ANO2: variants seen among roughly 807,000 people sequenced by gnomAD.
ANO2 encodes anoctamin 2, also known as anoctamin-2.
A neutral mutation model predicts 124.2 loss-of-function variants in ANO2; 101 were observed. The ratio of observed to expected loss-of-function variants is 0.81; its 90% CI spans 0.69 to 0.96. The LOEUF (loss-of-function observed/expected upper bound fraction) is 0.96. ANO2 is among the 40% of genes least tolerant of loss of function. The pLI is 0.00. For synonymous variants in ANO2, 486 were observed against 482.5 expected (o/e 1.01, Z -0.09); for missense variants, 1,293 against 1,274.5 (o/e 1.01, Z -0.22).
At chr12:5,710,602 T>C (rs934537314) in intron 14 of ANO2, among the ~76,000 whole-genome samples, 3 of 152,216 alleles carry the variant, frequency 2.0e-5, no homozygotes, top group African/African-American at 7.2e-5. Flanking sequence ...GTAAACTTCA[T>C]GTTCCAAAGT....
chr12:5,665,648 G>A (rs1260124233), intron 14 of ANO2, among the ~76,000 whole-genome samples: 5 of 152,056 alleles, frequency 3.3e-5, no homozygotes, highest in Non-Finnish European at 5.9e-5. Context: ...TCACCTGAGC[G>A]AGCCTCTCCA....
intron 11 of ANO2, among the ~76,000 whole-genome samples, chr12:5,750,630 G>C (rs955043249): frequency 2.0e-5 from 3 of 152,232 alleles, no homozygotes; most frequent in African/African-American, 4.8e-5. Flanking sequence ...GAGGAAGTAG[G>C]CCTCGCCTAG....
In ANO2 at chr12:5,658,397, A is replaced by G. The variant is rs1947268817; in HGVS notation, c.1546-10596T>C. Among the ~76,000 whole-genome samples, 1 of 152,160 alleles carries G rather than the reference A, an allele frequency of 6.6e-6. No individual in the cohort carries two copies. Among genetic ancestry groups the G allele is most frequent in the African/African-American group, 2.4e-5 (1 of 41,436 alleles). On this transcript the variant is annotated intron_variant, in intron 14 of 24. Transcript: ENST00000682330. The surrounding 1 kb of genome is among the most constrained non-coding windows in gnomAD (Gnocchi z 4.3). ...CATCATCATCATCAACAACATCATC[A>G]TCGTCATTGTTATCATCATCATAAC... is the stretch of plus-strand genomic sequence containing the variant.
rs566375023 is a variant in ANO2 at position 5,680,792 on chromosome 12, A to G, written c.1546-32991T>C. On this transcript the variant is annotated intron_variant, in intron 14 of 24. Coordinates refer to ENST00000682330, the MANE Select transcript of ANO2 (RefSeq NM_001364791.2). ...ATGAAAGAAACGATCCCAGGGAACA[A>G]TAAGAATCAGATAGGGGATAAGTGG... Among the ~76,000 whole-genome samples the G allele has an allele frequency of 3.2e-4, 49 of 152,330 alleles. No homozygotes were observed. The South Asian group carries it at 7.9e-3, about 24-fold the overall frequency.
chr12:5,849,554 T>C (rs924058615), intron 4 of ANO2, among the ~76,000 whole-genome samples: 2 of 152,204 alleles, frequency 1.3e-5, no homozygotes, highest in African/African-American at 4.8e-5. Context: ...GGATCTTGAG[T>C]GTCCCTCACA....
At chr12:5,591,380 G>A (rs1166378872) in intron 20 of ANO2, among the ~76,000 whole-genome samples, 1 of 152,134 alleles carries the variant, frequency 6.6e-6, no homozygotes, top group Non-Finnish European at 1.5e-5. Context: ...GCAATGGTTT[G>A]GGGCAAAGTC....
chr12:5,684,720 T>C (rs774620398), intron 14 of ANO2, among the ~76,000 whole-genome samples: 1 of 152,212 alleles, frequency 6.6e-6, no homozygotes, highest in Non-Finnish European at 1.5e-5. Flanking sequence ...CTGGTGCCTC[T>C]TTCCTATGTG....
chr12:5,637,941 T>A (rs149046356), intron 15 of ANO2, among the ~76,000 whole-genome samples: 37 of 152,268 alleles, frequency 2.4e-4, no homozygotes, highest in Middle Eastern at 3.4e-3. Context: ...GAAACGGGCA[T>A]GGAAAAGTGA....
At chr12:5,700,827 T>C (rs1053781155) in intron 14 of ANO2, among the ~76,000 whole-genome samples, 3 of 152,156 alleles carry the variant, frequency 2.0e-5, no homozygotes, top group Non-Finnish European at 4.4e-5. Context: ...GCACGAGGAC[T>C]CCTCACGTCT....
At chr12:5,881,811 A>G (rs1283492801) in intron 3 of ANO2, 1 of 152,264 alleles carries the variant, frequency 6.6e-6, no homozygotes, top group Admixed American at 6.5e-5. Context: ...TTTGTTAAAC[A>G]AACAATGTGT....
intron 11 of ANO2, among the ~76,000 whole-genome samples, chr12:5,745,162 T>C (rs576748078): frequency 4.6e-5 from 7 of 152,298 alleles, no homozygotes; most frequent in Middle Eastern, 3.4e-3. Context: ...TAGGCTCATA[T>C]GAATGCTTGG....
chr12:5,628,816 G>A (rs757283068), intron 16 of ANO2, among the ~76,000 whole-genome samples: 3 of 152,156 alleles, frequency 2.0e-5, no homozygotes, highest in Non-Finnish European at 2.9e-5. Flanking sequence ...TGTATGCTTC[G>A]GTCAAGTTTC....
chr12:5,906,018 G>C (rs1344091699), intron 3 of ANO2, among the ~76,000 whole-genome samples: 1 of 152,126 alleles, frequency 6.6e-6, no homozygotes, highest in Non-Finnish European at 1.5e-5. Context: ...AGATTGCTGT[G>C]GTGTTTTCTT....
intron 1 of ANO2, among the ~76,000 whole-genome samples, chr12:5,930,890 C>T (rs950741246): frequency 1.1e-4 from 16 of 152,132 alleles, no homozygotes; most frequent in African/African-American, 3.6e-4. Flanking sequence ...TTTGCATATC[C>T]GCCTCCTGGG....
At chr12:5,610,324 T>C (rs1253524728) in intron 19 of ANO2, among the ~76,000 whole-genome samples, 7 of 66,162 alleles carry the variant, frequency 1.1e-4, no homozygotes, top group African/African-American at 4.7e-4. Context: ...CATAAATATA[T>C]AAATGCATAT....
chr12:5,796,123 T>C (rs1388685200), intron 10 of ANO2, among the ~76,000 whole-genome samples: 1 of 151,862 alleles, frequency 6.6e-6, no homozygotes, highest in Non-Finnish European at 1.5e-5. Context: ...TCCAGAGAGC[T>C]CTCACACACA....
chr12:5,879,194 T>A (rs1025976585), intron 3 of ANO2, among the ~76,000 whole-genome samples: 1 of 152,144 alleles, frequency 6.6e-6, no homozygotes, highest in African/African-American at 2.4e-5. Context: ...TGAAGCTGAT[T>A]CCACATAAAC....
chr12:5,813,074 G>GAAGAAGGAAGGA (rs1555168118), intron 7 of ANO2, among the ~76,000 whole-genome samples: 1 of 146,014 alleles, frequency 6.8e-6, no homozygotes, highest in Non-Finnish European at 1.5e-5. Context: ...GAAGACGAAA[G>GAAGAAGGAAGGA]AGGAAGGAAA....
chr12:5,645,410 T>C (rs930492511), intron 15 of ANO2, among the ~76,000 whole-genome samples: 1 of 151,820 alleles, frequency 6.6e-6, no homozygotes. Flanking sequence ...AATCTATCCA[T>C]GGTCGTGTGT....
Sources: gnomAD v4.1 joint callset for allele counts (sites outside exome capture counted in the v4.1 genomes callset) on GRCh38, gnomAD v4.1.1 for gene constraint, Gnocchi (gnomAD v3.1) non-coding constraint, MANE v1.5 for transcripts, NCBI Gene and HGNC (gene_info 2026-07-23, HGNC 2026-07-21) for gene names.